The following BRCA1 variants were observed in gnomAD, a reference collection of about 807,000 sequenced individuals.
The protein encoded by BRCA1 is breast cancer type 1 susceptibility protein.
BRCA1 carries 140 observed loss-of-function variants against 173.7 expected under a neutral mutation model. The observed-to-expected ratio is 0.81, with a 90% CI of 0.70 to 0.93. The LOEUF (loss-of-function observed/expected upper bound fraction) is 0.93, where lower values mean the gene tolerates loss of function less well. Ranked by LOEUF, BRCA1 falls within the 40% of genes least tolerant of loss-of-function variation. The pLI, the probability that BRCA1 is intolerant of heterozygous loss-of-function variation, is 0.00. For missense variants in BRCA1, 1,983 were observed against 2,172.5 expected, an observed-to-expected ratio of 0.91 and a Z score of 1.73; for synonymous variants, 662 against 756.0, an observed-to-expected ratio of 0.88 and a Z score of 2.04.
intron 1 of BRCA1, among the ~76,000 whole-genome samples, chr17:43,136,029 C>T (rs1279718964): frequency 2.6e-5 from 4 of 152,184 alleles, no homozygotes; most frequent in African/African-American, 9.6e-5. Flanking sequence ...CGCAGGGCTC[C>T]CGCCTGTAAT....
At chr17:43,046,110 C>T (rs924204645) in intron 22 of BRCA1, among the ~76,000 whole-genome samples, 1 of 150,692 alleles carries the variant, frequency 6.6e-6, no homozygotes, top group African/African-American at 2.4e-5. Context: ...TTAGTAGAGA[C>T]GGGGGTTTCA....
At chr17:43,052,411 G>C (rs996970664) in intron 19 of BRCA1, among the ~76,000 whole-genome samples, 1 of 152,018 alleles carries the variant, frequency 6.6e-6, no homozygotes, top group Non-Finnish European at 1.5e-5. Context: ...CTCCTAAGTA[G>C]CTGGGACTAC....
In BRCA1 at chr17:43,045,083, C is replaced by T. The variant is rs937158659; in HGVS notation, c.*595G>A. On this transcript the variant is annotated 3_prime_UTR_variant, in exon 23 of 23. Transcript: ENST00000357654. ...CCTCCCAAAGTGCTGGGATTACAGG[C>T]GTGAGCCACCATGCCCAGGTTTCAA... 2.9e-5 allele frequency: 15 copies of T among 526,008 alleles called. No homozygotes were observed. Among genetic ancestry groups the T allele is most frequent in the African/African-American group, 2.1e-4 (11 of 53,448 alleles). 32.6% of individuals were successfully genotyped at this position (526,008 alleles called of 1,614,324 possible). A position where few individuals can be genotyped will look rare whatever the true frequency, so the allele number is the denominator to read the frequency against.
chr17:43,100,669 T>TA (rs1192223091), intron 6 of BRCA1, among the ~76,000 whole-genome samples: 4 of 24,778 alleles, frequency 1.6e-4, no homozygotes, highest in Non-Finnish European at 2.5e-4. Flanking sequence ...TATATATATA[T>TA]ATATATATAA....
rs1262655942 is a variant in BRCA1, at chr17:43,076,411, GA to G, written c.4484+76del. 9.6e-6 allele frequency: 15 copies of G among 1,565,466 alleles called. No homozygotes were observed. In the African/African-American group the frequency reaches 1.8e-4, roughly 18 times the overall value. ...TGCAAAAAACTGGAGAAAGTATGGT[GA>G]AAAAAATTAACAATCAGAGTTCAAT... On this transcript the variant is annotated intron_variant, in intron 13 of 22. Transcript: ENST00000357654.
chr17:43,131,788 T>G (rs1221641252), intron 1 of BRCA1, among the ~76,000 whole-genome samples: 1 of 152,112 alleles, frequency 6.6e-6, no homozygotes, highest in Non-Finnish European at 1.5e-5. Context: ...TTGCTTTGCT[T>G]TTCTTTTTGT....
At chr17:43,082,602 A>T (rs1295074204) in intron 11 of BRCA1, 27 bp from the exon 12 acceptor site, 7 of 1,611,046 alleles carry the variant, frequency 4.3e-6, no homozygotes, top group African/African-American at 1.3e-5. Flanking sequence ...TGGCACCAAG[A>T]AAATGAAATA....
chr17:43,128,320 C>T (rs1227648058), upstream of BRCA1, among the ~76,000 whole-genome samples: 2 of 152,228 alleles, frequency 1.3e-5, no homozygotes, highest in Non-Finnish European at 2.9e-5. Flanking sequence ...TAACACTCAC[C>T]GCAAAGGTCT....
intron 2 of BRCA1, among the ~76,000 whole-genome samples, chr17:43,117,469 C>T (rs1426048957): frequency 2.0e-5 from 3 of 151,774 alleles, no homozygotes; most frequent in Admixed American, 1.3e-4. Context: ...AGGCCAGACA[C>T]GGGGGCTCAT....
At chr17:43,098,030 CTTT>C (rs35771473) in intron 7 of BRCA1, among the ~76,000 whole-genome samples, 20 of 135,266 alleles carry the variant, frequency 1.5e-4, no homozygotes, top group Non-Finnish European at 2.1e-4. Flanking sequence ...CTCAGCAGCT[CTTT>C]TTTTTTTTTT....
At position 43,104,271 on chromosome 17, in the gene BRCA1, A is replaced by G. The variant is rs747733248; in HGVS notation, c.302-10T>C. The G allele has an allele frequency of 6.2e-7, 1 of 1,607,772 alleles. No individual in the cohort carries two copies. Among genetic ancestry groups the G allele is most frequent in the Non-Finnish European group, 8.5e-7 (1 of 1,175,114 alleles). On this transcript the variant is annotated splice_polypyrimidine_tract_variant and intron_variant, in intron 5 of 22. Transcript: ENST00000357654. ...TTATAGCTGTTTGCATCTGTAAAAT[A>G]CAAGGGAAAACATTATGTTTGCAGT...
chr17:43,091,642 A>T lies in BRCA1; in HGVS notation c.3889T>A (p.Ser1297Thr), dbSNP rs1450793674. 1.9e-6 allele frequency: 3 copies of T among 1,614,110 alleles called. No individual in the cohort carries two copies. In the Admixed American group the frequency reaches 5.0e-5, roughly 27 times the overall value. ...TCTTCCAATTCACTGCACTGTGAAG[A>T]AAACAAGCTAGCAGAACATTTTGTT... ...EETKCSASLFSSQCSELEDLT... is the reference protein window; with the variant it reads ...EETKCSASLFTSQCSELEDLT... Residue 1297 changes from serine to threonine, a missense_variant, in exon 10 of 23, where the codon TCT (serine) becomes ACT (threonine). By Grantham distance (58) the Ser-to-Thr change is moderately conservative. Transcript: ENST00000357654.
At chr17:43,116,967 C>A (rs1165246047) in intron 2 of BRCA1, among the ~76,000 whole-genome samples, 1 of 152,160 alleles carries the variant, frequency 6.6e-6, no homozygotes, top group Non-Finnish European at 1.5e-5. Flanking sequence ...GTTCCTCTAG[C>A]CTTATTTCCT....
At chr17:43,140,082 C>A (rs1318146966) in intron 1 of BRCA1, 5 of 359,110 alleles carry the variant, frequency 1.4e-5, no homozygotes, top group Non-Finnish European at 2.2e-5. Context: ...CAGCCCCATT[C>A]CCCATCCTCT....
rs80357273 is a variant in BRCA1 at position 43,093,958 on chromosome 17, C to T, written c.1573G>A (p.Val525Ile). Reference protein sequence around the residue: ...EDFIKKADLAVQKTPEMINQG... With the variant: ...EDFIKKADLAIQKTPEMINQG... ...TTTATCATTTCAGGAGTCTTTTGAA[C>T]TGCCAAATCTGCTTTCTTGATAAAA... The change falls in exon 10 of 23, where the codon GTT (valine) becomes ATT (isoleucine). Residue 525 changes from valine (V) to isoleucine (I), a missense_variant. By Grantham distance (29) the Val-to-Ile change is conservative. Coordinates refer to ENST00000357654, the MANE Select transcript of BRCA1 (RefSeq NM_007294.4). The T allele has an allele frequency of 8.7e-6, 14 of 1,613,566 alleles. No homozygotes were observed. In the African/African-American group the frequency reaches 1.6e-4, roughly 18 times the overall value.
chr17:43,110,195 C>T (rs942623684), intron 3 of BRCA1, among the ~76,000 whole-genome samples: 3 of 151,932 alleles, frequency 2.0e-5, no homozygotes, highest in Non-Finnish European at 4.4e-5. Context: ...CACCCGGCCT[C>T]GAATCTTTCT....
chr17:43,165,081 C>T (rs1359716847), intron 1 of BRCA1, among the ~76,000 whole-genome samples: 2 of 152,174 alleles, frequency 1.3e-5, no homozygotes, highest in East Asian at 3.9e-4. Flanking sequence ...TAAATTTTAT[C>T]TTTATATTAG....
intron 1 of BRCA1, among the ~76,000 whole-genome samples, chr17:43,152,686 C>G (rs2056169941): frequency 2.0e-5 from 3 of 152,072 alleles, no homozygotes; most frequent in Admixed American, 2.0e-4. Context: ...AACCCCATCT[C>G]TACTAAAAAA....
chr17:43,159,707 G>A lies in BRCA1; in HGVS notation c.-20+10419C>T, dbSNP rs2056223078. 1.5e-5 allele frequency: 3 copies of A among 200,162 alleles called. No individual in the cohort carries two copies. In the South Asian group the frequency reaches 2.3e-4, roughly 15 times the overall value. 12.4% of individuals were successfully genotyped at this position (200,162 alleles called of 1,614,324 possible). On this transcript the variant is annotated intron_variant, in intron 1 of 7. Coordinates refer to the BRCA1 transcript ENST00000634433. ...AGTACCCAGGGACACAAACACTGCG[G>A]AAGGCCGCAGGGTCCTCTGCCTAGG...
Sources: gnomAD v4.1 joint callset for allele counts (sites outside exome capture counted in the v4.1 genomes callset) on GRCh38, gnomAD v4.1.1 for gene constraint, MANE v1.5 for transcripts, NCBI Gene and HGNC (gene_info 2026-07-23, HGNC 2026-07-21) for gene names.